The following SATB2 variants were observed in gnomAD, a reference collection of about 807,000 sequenced individuals.
SATB2 encodes SATB homeobox 2, also known as DNA-binding protein SATB2.
A neutral mutation model predicts 73.4 loss-of-function variants in SATB2; 1 was observed. The observed-to-expected ratio is 0.01, with a 90% CI of 0.00 to 0.06. The LOEUF (loss-of-function observed/expected upper bound fraction) is 0.06, where lower values mean the gene tolerates loss of function less well. Ranked by LOEUF, SATB2 falls within the 10% of genes least tolerant of loss-of-function variation. SATB2 has a pLI of 1.00. For missense variants in SATB2, 459 were observed against 945.8 expected, an observed-to-expected ratio of 0.49 and a Z score of 6.75; for synonymous variants, 397 against 367.0, an observed-to-expected ratio of 1.08 and a Z score of -0.93.
intron 3 of SATB2, among the ~76,000 whole-genome samples, chr2:199,411,013 T>C (rs554341705): frequency 8.3e-4 from 126 of 152,288 alleles, no homozygotes; most frequent in Admixed American, 1.7e-3. Flanking sequence ...GCCCAAGTAG[T>C]AATTGCTAAT....
chr2:199,319,815 C>T (rs552313281), intron 9 of SATB2, among the ~76,000 whole-genome samples: 3 of 151,356 alleles, frequency 2.0e-5, no homozygotes, highest in East Asian at 1.9e-4. Flanking sequence ...GCTAACCTAT[C>T]GTAGCCCATA....
chr2:199,409,291 T>G (rs1485153958), intron 3 of SATB2, among the ~76,000 whole-genome samples: 1 of 148,830 alleles, frequency 6.7e-6, no homozygotes, highest in African/African-American at 2.5e-5. Context: ...TGCCTCAGCC[T>G]TCCTGAGTAG....
rs1687507487 is a variant in SATB2, at chr2:199,308,680, T to C, written c.1740+80A>G. On this transcript the variant is annotated intron_variant, in intron 10 of 10. Coordinates refer to ENST00000417098, the MANE Select transcript of SATB2 (RefSeq NM_001172509.2). The surrounding 1 kb of genome is among the most constrained non-coding windows in gnomAD (Gnocchi z 4.6). The stretch of plus-strand genomic sequence containing the variant: ...CCCTCTGACAGAAGTTGGTGTGGTG[T>C]GTGCCACTTGGACCCTCAGCAGCTA... The C allele has an allele frequency of 8.3e-7, 1 of 1,210,452 alleles. No homozygotes were observed. The highest frequency in any genetic ancestry group is 1.2e-6 in the Non-Finnish European group (1 of 824,386). The allele number at this position is 1,210,452 out of a possible 1,614,324, so 75.0% of individuals were successfully genotyped here.
intron 10 of SATB2, among the ~76,000 whole-genome samples, chr2:199,276,848 C>T (rs1692327323): frequency 6.6e-6 from 1 of 152,016 alleles, no homozygotes; most frequent in Non-Finnish European, 1.5e-5. Context: ...TGTATAAAAC[C>T]AGAAATGAAT....
chr2:199,351,012 G>A (rs1214930715), intron 6 of SATB2, among the ~76,000 whole-genome samples: 2 of 137,990 alleles, frequency 1.4e-5, no homozygotes, highest in African/African-American at 2.8e-5. Flanking sequence ...CCTGAGTGAC[G>A]AGCGAGACTC....
chr2:199,455,612 C>A lies in SATB2; in HGVS notation c.169+257G>T, dbSNP rs1264059590. ...TCTAGAAACAGTTAGCTGGCTGTGA[C>A]ATAAACCTGCCAACACCTCAGCACA... is the stretch of plus-strand genomic sequence containing the variant. On this transcript the variant is annotated intron_variant, in intron 2 of 10. Transcript: ENST00000417098. The surrounding 1 kb of genome is among the most constrained non-coding windows in gnomAD (Gnocchi z 4.1). Among the ~76,000 whole-genome samples the A allele has an allele frequency of 6.6e-6, 1 of 152,236 alleles. No homozygotes were observed. Among genetic ancestry groups the A allele is most frequent in the Admixed American group, 6.5e-5 (1 of 15,290 alleles).
At chr2:199,340,119 A>T (rs558817476) in intron 7 of SATB2, among the ~76,000 whole-genome samples, 44 of 152,312 alleles carry the variant, frequency 2.9e-4, no homozygotes, top group African/African-American at 1.1e-3. Flanking sequence ...ACATCGTTCA[A>T]TCTAATTTTC....
intron 3 of SATB2, among the ~76,000 whole-genome samples, chr2:199,405,555 A>C (rs929126496): frequency 5.3e-5 from 8 of 152,190 alleles, no homozygotes; most frequent in African/African-American, 1.9e-4. Context: ...GGCAAATGCA[A>C]ATGATGGGTG....
chr2:199,421,176 T>C (rs549866955), intron 3 of SATB2, among the ~76,000 whole-genome samples: 3 of 152,216 alleles, frequency 2.0e-5, no homozygotes, highest in Non-Finnish European at 2.9e-5. Context: ...GGTACTCAAA[T>C]AGGTTCCAGG....
chr2:199,376,325 A>G (rs955051543), intron 5 of SATB2, among the ~76,000 whole-genome samples: 6 of 152,240 alleles, frequency 3.9e-5, no homozygotes, highest in Non-Finnish European at 8.8e-5. Flanking sequence ...AGAACACTGT[A>G]ATAATAATAA....
upstream of SATB2, chr2:199,468,028 TTTTCTTTC>T (rs531182835): frequency 3.3e-5 from 5 of 152,080 alleles, no homozygotes; most frequent in East Asian, 7.7e-4. Flanking sequence ...CCCCACTCTT[TTTTCTTTC>T]TTTCTTTCTT....
chr2:199,357,225 G>A (rs1320031350), intron 6 of SATB2, among the ~76,000 whole-genome samples: 1 of 152,200 alleles, frequency 6.6e-6, no homozygotes, highest in Admixed American at 6.5e-5. Context: ...ACAAGTGCAC[G>A]TGGCACACGT....
At chr2:199,357,283 C>G (rs1471001810) in intron 6 of SATB2, among the ~76,000 whole-genome samples, 1 of 152,190 alleles carries the variant, frequency 6.6e-6, no homozygotes, top group African/African-American at 2.4e-5. Context: ...AAAGCTCAAC[C>G]TCAGCCTTCA....
chr2:199,347,406 C>T (rs1292447168), intron 7 of SATB2: 2 of 152,266 alleles, frequency 1.3e-5, no homozygotes, highest in East Asian at 3.9e-4. Flanking sequence ...CATTTTTTAA[C>T]TCAACATCTT....
At position 199,414,018 on chromosome 2, in the gene SATB2, C is replaced by T. The variant is rs531192188; in HGVS notation, c.346+19320G>A. On this transcript the variant is annotated intron_variant, in intron 3 of 10. Transcript: ENST00000417098. Reference sequence around the variant, plus strand: ...CTGACATATTCCTAACATGTCACTCCACTGACTCAAACCCTTTCAGTGGTG... The same window carrying T: ...CTGACATATTCCTAACATGTCACTCTACTGACTCAAACCCTTTCAGTGGTG... Among the ~76,000 whole-genome samples the T allele has an allele frequency of 2.0e-5, 3 of 152,312 alleles. No individual in the cohort carries two copies. In the South Asian group the frequency reaches 6.2e-4, roughly 32 times the overall value.
intron 3 of SATB2, among the ~76,000 whole-genome samples, chr2:199,391,853 G>A (rs1252128366): frequency 2.0e-5 from 3 of 152,166 alleles, no homozygotes; most frequent in Non-Finnish European, 4.4e-5. Flanking sequence ...AAATTAATGG[G>A]CAATGGAACT....
At chr2:199,322,393 T>C (rs937478104) in intron 9 of SATB2, among the ~76,000 whole-genome samples, 3 of 152,198 alleles carry the variant, frequency 2.0e-5, no homozygotes, top group Non-Finnish European at 4.4e-5. Flanking sequence ...GTTTAACAGC[T>C]CCAACTCTCA....
At chr2:199,400,571 A>G (rs988490978) in intron 3 of SATB2, among the ~76,000 whole-genome samples, 2 of 152,184 alleles carry the variant, frequency 1.3e-5, no homozygotes, top group Non-Finnish European at 2.9e-5. Flanking sequence ...TGATGAAACT[A>G]TTTGCTATTT....
chr2:199,291,219 C>G (rs930000142), intron 10 of SATB2, among the ~76,000 whole-genome samples: 2 of 152,074 alleles, frequency 1.3e-5, no homozygotes, highest in African/African-American at 4.8e-5. Context: ...TTTTTGCCCC[C>G]ACTTTGATTT....
Sources: gnomAD v4.1 joint callset for allele counts (sites outside exome capture counted in the v4.1 genomes callset) on GRCh38, gnomAD v4.1.1 for gene constraint, Gnocchi (gnomAD v3.1) non-coding constraint, MANE v1.5 for transcripts, NCBI Gene and HGNC (gene_info 2026-07-23, HGNC 2026-07-21) for gene names.